The following GNB1L variants were observed in gnomAD, a reference collection of about 807,000 sequenced individuals.
GNB1L encodes the protein guanine nucleotide-binding protein subunit beta-like protein 1.
GNB1L carries 20 observed loss-of-function variants against 29.1 expected under a neutral mutation model. The ratio of observed to expected loss-of-function variants is 0.69; its 90% CI spans 0.48 to 1.00. GNB1L has a LOEUF of 1.00. GNB1L is among the 50% of genes least tolerant of loss of function. The probability of loss-of-function intolerance (pLI) is 0.00; values close to 1 mark genes in which losing one functional copy is unlikely to be tolerated. For synonymous variants in GNB1L, 193 were observed against 206.5 expected, an observed-to-expected ratio of 0.93 and a Z score of 0.56; for missense variants, 421 against 464.9, an observed-to-expected ratio of 0.91 and a Z score of 0.87.
intron 2 of GNB1L, among the ~76,000 whole-genome samples, chr22:19,831,275 G>A (rs1937675446): frequency 1.3e-5 from 2 of 150,914 alleles, no homozygotes; most frequent in East Asian, 3.9e-4. Flanking sequence ...TGAGGCAGGA[G>A]AAATGCTTTA....
intron 2 of GNB1L, chr22:19,850,126 G>GC: frequency 1.0e-6 from 1 of 985,360 alleles, no homozygotes; most frequent in Non-Finnish European, 1.2e-6. Context: ...CAAAGCCCCT[G>GC]CCAGAAACCA....
At position 19,785,771 on chromosome 22, in the gene GNB1L, T is replaced by A. The variant is rs1937187380; in HGVS notation, c.*2938A>T. On this transcript the variant is annotated 3_prime_UTR_variant, in exon 8 of 8. Transcript: ENST00000329517. This position sits in a 1 kb window ranked among gnomAD's most constrained non-coding sequence, Gnocchi z 4.1. ...TGCCAGCCTACAGGAAGTGGCTGTT[T>A]GCTAGGAAGAGAATGCCAATGTTCA... 6.6e-6 allele frequency: 1 copy of A among 152,298 alleles called. No individual in the cohort carries two copies. The highest frequency in any genetic ancestry group is 2.1e-4 in the South Asian group (1 of 4,834). 9.4% of individuals were successfully genotyped at this position (152,298 alleles called of 1,614,324 possible). A position where few individuals can be genotyped will look rare whatever the true frequency, so the allele number is the denominator to read the frequency against.
At chr22:19,850,353 A>T in intron 2 of GNB1L, 1 of 986,110 alleles carries the variant, frequency 1.0e-6, no homozygotes, top group Non-Finnish European at 1.2e-6. Context: ...CAAGTCATTT[A>T]CACACTAGGG....
chr22:19,824,182 T>C (rs1937601339), intron 2 of GNB1L, among the ~76,000 whole-genome samples: 1 of 152,404 alleles, frequency 6.6e-6, no homozygotes, highest in Non-Finnish European at 1.5e-5. Context: ...TTAAAATAAA[T>C]GCTTTATTTG....
At chr22:19,853,848 C>A (rs990727843) in intron 2 of GNB1L, among the ~76,000 whole-genome samples, 2 of 152,214 alleles carry the variant, frequency 1.3e-5, no homozygotes, top group African/African-American at 4.8e-5. Context: ...AAAGCAGTGA[C>A]CCCGATCCAG....
chr22:19,847,617 G>T, intron 2 of GNB1L: 4 of 969,942 alleles, frequency 4.1e-6, no homozygotes, highest in Non-Finnish European at 4.9e-6. Context: ...TAGTGGTACC[G>T]AACCATGACC....
rs563873367 is a variant in GNB1L at position 19,851,277 on chromosome 22, CCT to C, written c.-21+3164_-21+3165del. The stretch of plus-strand genomic sequence containing the variant: ...TCTCCCTCTGTCTCCAAAACCTCCT[CCT>C]CTGTTTTCTGGGGTTTTGGACCTCC... On this transcript the variant is annotated intron_variant, in intron 2 of 7. Coordinates refer to ENST00000329517, the MANE Select transcript of GNB1L (RefSeq NM_053004.3). 5 of 1,613,014 alleles carry C rather than the reference CCT, an allele frequency of 3.1e-6. No individual in the cohort carries two copies. The African/African-American group carries it at 4.0e-5, about 13-fold the overall frequency.
At chr22:19,847,819 A>G in intron 2 of GNB1L, 1 of 943,638 alleles carries the variant, frequency 1.1e-6, no homozygotes, top group Non-Finnish European at 1.3e-6. Context: ...AAAAAAAAAA[A>G]AAAAAATTCA....
chr22:19,845,865 T>C (rs1937949522), intron 2 of GNB1L, among the ~76,000 whole-genome samples: 1 of 152,240 alleles, frequency 6.6e-6, no homozygotes, highest in African/African-American at 2.4e-5. Flanking sequence ...CCAATGTGTT[T>C]TAAAACTTGC....
chr22:19,842,648 G>C (rs1221170585), intron 2 of GNB1L, among the ~76,000 whole-genome samples: 1 of 152,258 alleles, frequency 6.6e-6, no homozygotes, highest in East Asian at 1.9e-4. Flanking sequence ...AAACAGGAAG[G>C]GATGAGCCTG....
chr22:19,851,799 C>T lies in GNB1L; in HGVS notation c.-21+2644G>A, dbSNP rs139151286. ...GGCAGGTCCCCATCAAGGTAGGGGG[C>T]TGCCCAGGCCTGGGCTCGGCCTGTT... On this transcript the variant is annotated intron_variant, in intron 2 of 7. Coordinates refer to ENST00000329517, the MANE Select transcript of GNB1L (RefSeq NM_053004.3). The T allele has an allele frequency of 3.7e-6, 6 of 1,613,898 alleles. No individual in the cohort carries two copies. In the African/African-American group the frequency reaches 8.0e-5, roughly 22 times the overall value.
At chr22:19,789,651 T>C (rs1601316326) in intron 7 of GNB1L, among the ~76,000 whole-genome samples, 1 of 151,938 alleles carries the variant, frequency 6.6e-6, no homozygotes, top group Non-Finnish European at 1.5e-5. Flanking sequence ...AGGTCCTACG[T>C]GCACGGGGCC....
chr22:19,792,480 T>C (rs1458809869), intron 7 of GNB1L: 1 of 1,577,750 alleles, frequency 6.3e-7, no homozygotes, highest in Non-Finnish European at 8.6e-7. Context: ...CTATATCAGG[T>C]TGCAGCGGCA....
At chr22:19,845,372 G>A (rs978537349) in intron 2 of GNB1L, among the ~76,000 whole-genome samples, 1 of 152,188 alleles carries the variant, frequency 6.6e-6, no homozygotes, top group Non-Finnish European at 1.5e-5. Flanking sequence ...TGTGAATAAA[G>A]AGCCCTGGCT....
chr22:19,821,652 C>A (rs1002311755), intron 2 of GNB1L, among the ~76,000 whole-genome samples: 5 of 152,214 alleles, frequency 3.3e-5, no homozygotes, highest in African/African-American at 1.2e-4. Context: ...GATGCCAGCC[C>A]TCCTCGCACC....
chr22:19,802,955 G>A (rs928442962), intron 6 of GNB1L, among the ~76,000 whole-genome samples: 26 of 152,186 alleles, frequency 1.7e-4, no homozygotes, highest in African/African-American at 3.9e-4. Flanking sequence ...GTCAGTCCCC[G>A]GCACCAAGAA....
chr22:19,812,545 G>A (rs1268062592), intron 4 of GNB1L, 98 bp from the exon 5 acceptor site: 4 of 1,184,010 alleles, frequency 3.4e-6, no homozygotes, highest in Non-Finnish European at 3.6e-6. Flanking sequence ...TGTTTCCAGA[G>A]AGTGGGTGCC....
rs531389263 is a variant in GNB1L at position 19,805,426 on chromosome 22, C to T, written c.516+1233G>A. Among the ~76,000 whole-genome samples the T allele has an allele frequency of 3.9e-5, 6 of 152,342 alleles. No individual in the cohort carries two copies. The South Asian group carries it at 8.3e-4, about 21-fold the overall frequency. On this transcript the variant is annotated intron_variant, in intron 6 of 7. Transcript: ENST00000329517. ...TCTCATGAGGAGGTCAAAGAGGCAGCGAGCCAGAGTCACCTCCCGGTAAAG... is the reference window on the plus strand; with the variant it reads ...TCTCATGAGGAGGTCAAAGAGGCAGTGAGCCAGAGTCACCTCCCGGTAAAG...
chr22:19,844,615 G>A (rs1461345235), intron 2 of GNB1L, among the ~76,000 whole-genome samples: 4 of 152,238 alleles, frequency 2.6e-5, no homozygotes, highest in Non-Finnish European at 4.4e-5. Context: ...GCAGAGGCAG[G>A]CAGGATGGGC....
Sources: gnomAD v4.1 joint callset for allele counts (sites outside exome capture counted in the v4.1 genomes callset) on GRCh38, gnomAD v4.1.1 for gene constraint, Gnocchi (gnomAD v3.1) non-coding constraint, MANE v1.5 for transcripts, NCBI Gene and HGNC (gene_info 2026-07-23, HGNC 2026-07-21) for gene names.